Variants in THEMIS observed in about 807,000 individuals in gnomAD.
THEMIS encodes the protein protein THEMIS.
THEMIS carries 37 observed loss-of-function variants against 52.6 expected under a neutral mutation model. The ratio of observed to expected loss-of-function variants is 0.70; its 90% CI spans 0.54 to 0.93. The LOEUF (loss-of-function observed/expected upper bound fraction) is 0.93, where lower values mean the gene tolerates loss of function less well. Ranked by LOEUF, THEMIS falls within the 40% of genes least tolerant of loss-of-function variation. The pLI is 0.00. For synonymous variants in THEMIS, 292 were observed against 272.7 expected (o/e 1.07, Z -0.70); for missense variants, 808 against 763.1 (o/e 1.06, Z -0.69).
chr6:127,905,960 T>TTTAAATGAAATAATTTAAATGTAA (rs1180999848), upstream of THEMIS, among the ~76,000 whole-genome samples: 1,831 of 145,386 alleles, frequency 0.013, 21 homozygotes, highest in Non-Finnish European at 0.02. Flanking sequence ...AATAATTACA[T>TTTAAATGAAATAATTTAAATGTAA]TTAAATGAAA....
intron 2 of THEMIS, among the ~76,000 whole-genome samples, chr6:127,853,532 G>A (rs911379550): frequency 1.8e-4 from 28 of 151,590 alleles, no homozygotes; most frequent in African/African-American, 6.3e-4. Flanking sequence ...ATTGAACAAT[G>A]TGGAAAGTTT....
intron 4 of THEMIS, among the ~76,000 whole-genome samples, chr6:127,779,595 A>C (rs540098717): frequency 8.5e-5 from 13 of 152,292 alleles, no homozygotes; most frequent in African/African-American, 3.1e-4. Flanking sequence ...TGAATTGAAG[A>C]GCTCCAATGA....
At chr6:127,733,716 G>A (rs1344133185) in intron 4 of THEMIS, among the ~76,000 whole-genome samples, 1 of 152,066 alleles carries the variant, frequency 6.6e-6, no homozygotes, top group East Asian at 1.9e-4. Context: ...GAATCTATCA[G>A]GCCTCAAGAT....
At chr6:127,775,321 A>G (rs1776525490) in intron 4 of THEMIS, among the ~76,000 whole-genome samples, 1 of 152,212 alleles carries the variant, frequency 6.6e-6, no homozygotes, top group Non-Finnish European at 1.5e-5. Flanking sequence ...GGACTTGTGT[A>G]CAAATTATAA....
chr6:127,789,181 G>T (rs1777077788), intron 4 of THEMIS, among the ~76,000 whole-genome samples: 1 of 152,034 alleles, frequency 6.6e-6, no homozygotes, highest in Non-Finnish European at 1.5e-5. Flanking sequence ...AATAAAAAAT[G>T]ATAAAGGGGA....
intron 2 of THEMIS, among the ~76,000 whole-genome samples, chr6:127,843,653 C>A (rs572981499): frequency 6.6e-6 from 1 of 152,018 alleles, no homozygotes; most frequent in East Asian, 1.9e-4. Context: ...TTATTTCTCC[C>A]TCCTGGTAGT....
chr6:127,756,047 A>AAAAACAT (rs1562237367), intron 4 of THEMIS, among the ~76,000 whole-genome samples: 1 of 151,998 alleles, frequency 6.6e-6, no homozygotes, highest in Non-Finnish European at 1.5e-5. Context: ...ACAAAAAACA[A>AAAAACAT]AAAACAAAAC....
At chr6:127,790,059 C>T (rs11753615) in intron 4 of THEMIS, among the ~76,000 whole-genome samples, 23,115 of 152,178 alleles carry the variant, frequency 0.15, 1,968 homozygotes, top group African/African-American at 0.22. Context: ...ATAAAGCGTA[C>T]TCAGACAGGA....
At chr6:127,767,669 T>A (rs1776246340) in intron 4 of THEMIS, among the ~76,000 whole-genome samples, 1 of 152,146 alleles carries the variant, frequency 6.6e-6, no homozygotes, top group Admixed American at 6.5e-5. Context: ...TACAGTAAAC[T>A]TTTTTTAATA....
chr6:127,876,413 T>G (rs764641652), intron 1 of THEMIS, among the ~76,000 whole-genome samples: 1 of 152,196 alleles, frequency 6.6e-6, no homozygotes, highest in Non-Finnish European at 1.5e-5. Context: ...CTTGATATAT[T>G]GTTTCTTACA....
At chr6:127,872,076 C>G (rs1780174272) in intron 1 of THEMIS, among the ~76,000 whole-genome samples, 1 of 152,048 alleles carries the variant, frequency 6.6e-6, no homozygotes, top group Admixed American at 6.6e-5. Context: ...CAAATAGAAT[C>G]TAGCAATATA....
At chr6:127,896,087 A>G (rs533129261) in intron 1 of THEMIS, among the ~76,000 whole-genome samples, 24 of 151,666 alleles carry the variant, frequency 1.6e-4, no homozygotes, top group African/African-American at 5.8e-4. Flanking sequence ...AGTTACAAAA[A>G]GAATATTTGA....
At chr6:127,908,813 T>C (rs978011375) in intron 1 of THEMIS, among the ~76,000 whole-genome samples, 1 of 152,090 alleles carries the variant, frequency 6.6e-6, no homozygotes, top group Non-Finnish European at 1.5e-5. Context: ...TTTCTCTTTT[T>C]TTTTCACATT....
At chr6:127,701,691 C>A in the THEMIS span, among the ~76,000 whole-genome samples, 2 of 152,042 alleles carry the variant, frequency 1.3e-5, no homozygotes, top group Admixed American at 6.6e-5. Flanking sequence ...TCCATAGTTT[C>A]TTCAAAACGT....
At chr6:127,828,670 C>T (rs1393340782) in intron 3 of THEMIS, among the ~76,000 whole-genome samples, 1 of 152,140 alleles carries the variant, frequency 6.6e-6, no homozygotes, top group Non-Finnish European at 1.5e-5. Context: ...TTAAAACACG[C>T]CGGGCCGGGC....
At chr6:127,811,160 A>C (rs977930047) in intron 4 of THEMIS, among the ~76,000 whole-genome samples, 1 of 152,198 alleles carries the variant, frequency 6.6e-6, no homozygotes, top group Non-Finnish European at 1.5e-5. Context: ...CCTCCTTCTC[A>C]ACTTGATGTC....
At chr6:127,871,375 T>C (rs1298574172) in intron 1 of THEMIS, among the ~76,000 whole-genome samples, 3 of 151,992 alleles carry the variant, frequency 2.0e-5, no homozygotes, top group Non-Finnish European at 4.4e-5. Flanking sequence ...TTGTAGGACA[T>C]AGCTAAGGCA....
At chr6:127,841,552 A>T (rs963961266) in intron 2 of THEMIS, among the ~76,000 whole-genome samples, 5 of 152,064 alleles carry the variant, frequency 3.3e-5, no homozygotes, top group Non-Finnish European at 7.4e-5. Context: ...CTTTAAAATG[A>T]TCTTTCTGAC....
At chr6:127,896,567 A>G (rs1488458827) in intron 1 of THEMIS, among the ~76,000 whole-genome samples, 1 of 151,580 alleles carries the variant, frequency 6.6e-6, no homozygotes, top group Non-Finnish European at 1.5e-5. Flanking sequence ...TCCAAACCAA[A>G]GCACAGCTAA....
Sources: allele counts gnomAD v4.1 joint callset (sites outside exome capture counted in the v4.1 genomes callset), GRCh38; gene constraint gnomAD v4.1.1; transcripts MANE v1.5; gene names NCBI Gene and HGNC (gene_info 2026-07-23, HGNC 2026-07-21).